The following TNS1 variants were observed in gnomAD, a reference collection of about 807,000 sequenced individuals.
The protein encoded by TNS1 is tensin-1.
In TNS1, 62 loss-of-function variants were observed where a neutral mutation model predicts 168.6. The observed-to-expected ratio is 0.37, with a 90% CI of 0.30 to 0.45. The LOEUF is 0.45. Ranked by LOEUF, TNS1 falls within the 20% of genes least tolerant of loss-of-function variation. The probability of loss-of-function intolerance (pLI) is 1.00; values close to 1 mark genes in which losing one functional copy is unlikely to be tolerated. For synonymous variants in TNS1, 934 were observed against 933.2 expected (o/e 1.00, Z -0.02); for missense variants, 2,240 against 2,339.4 (o/e 0.96, Z 0.88).
chr2:217,827,883 A>T (rs1396357166), intron 22 of TNS1, among the ~76,000 whole-genome samples: 1 of 152,198 alleles, frequency 6.6e-6, no homozygotes, highest in Non-Finnish European at 1.5e-5. Context: ...AGTCACCCCA[A>T]AGTGAGAGAC....
chr2:217,893,917 A>G (rs553936030), intron 9 of TNS1, among the ~76,000 whole-genome samples: 162 of 152,306 alleles, frequency 1.1e-3, no homozygotes, highest in African/African-American at 3.7e-3. Context: ...CTACCATAGG[A>G]CTGACCTCCA....
At chr2:217,827,583 G>A (rs1231790100) in intron 22 of TNS1, among the ~76,000 whole-genome samples, 1 of 152,190 alleles carries the variant, frequency 6.6e-6, no homozygotes, top group Non-Finnish European at 1.5e-5. Flanking sequence ...CCTGCAGGCA[G>A]GAGAAGGACT....
intron 5 of TNS1, among the ~76,000 whole-genome samples, chr2:217,906,652 G>A (rs1263501269): frequency 2.6e-5 from 4 of 152,252 alleles, no homozygotes; most frequent in South Asian, 2.1e-4. Context: ...ACAGGCTCAT[G>A]CCTTGCCCAC....
At chr2:218,004,096 G>A (rs1277860580), upstream of TNS1, among the ~76,000 whole-genome samples, 1 of 152,196 alleles carries the variant, frequency 6.6e-6, no homozygotes, top group East Asian at 1.9e-4. Context: ...CTGAGGGTGG[G>A]TGGGGGCCAG....
intron 3 of TNS1, among the ~76,000 whole-genome samples, chr2:217,963,176 G>A (rs1380752040): frequency 6.6e-6 from 1 of 152,148 alleles, no homozygotes; most frequent in African/African-American, 2.4e-5. Flanking sequence ...CAACCTGAGA[G>A]GTCCCGAGAT....
intron 18 of TNS1, among the ~76,000 whole-genome samples, chr2:217,867,305 T>C (rs1949363432): frequency 6.6e-6 from 1 of 152,208 alleles, no homozygotes; most frequent in African/African-American, 2.4e-5. Context: ...CATATATTCT[T>C]CTACCCAGCA....
chr2:218,007,574 G>T (rs1487692864), upstream of TNS1, among the ~76,000 whole-genome samples: 3 of 129,350 alleles, frequency 2.3e-5, no homozygotes, highest in African/African-American at 2.9e-5. Flanking sequence ...GGTGGGGGGG[G>T]GGGTTCAGCC....
chr2:217,906,464 CGGCAGATGA>C (rs1312978279), intron 5 of TNS1, 79 bp from the exon 6 acceptor site: 3 of 697,112 alleles, frequency 4.3e-6, no homozygotes, highest in Non-Finnish European at 7.9e-6. Flanking sequence ...TTGTCAGGAG[CGGCAGATGA>C]GGAGGTTGGC....
chr2:218,028,405 A>T (rs1327248044), intron 1 of TNS1, among the ~76,000 whole-genome samples: 1 of 152,164 alleles, frequency 6.6e-6, no homozygotes, highest in African/African-American at 2.4e-5. Context: ...CCCTATCTGC[A>T]TTCTCTCTCC....
At position 218,001,715 on chromosome 2, in the gene TNS1, C is replaced by T. The variant is rs143579487; in HGVS notation, c.33+1125G>A. Among the ~76,000 whole-genome samples the T allele has an allele frequency of 7.4e-3, 1,117 of 151,924 alleles. 14 individuals are homozygous for T. Among genetic ancestry groups the T allele is most frequent in the African/African-American group, 0.025 (1,043 of 41,234 alleles). Reference sequence around the variant, plus strand: ...CCAGCCCAACATGCCACCCAAACCGCCTCATTCCAGGCCCCCTCCCCCACC... The same window carrying T: ...CCAGCCCAACATGCCACCCAAACCGTCTCATTCCAGGCCCCCTCCCCCACC... On this transcript the variant is annotated intron_variant, in intron 1 of 32. Transcript: ENST00000682258.
intron 5 of TNS1, among the ~76,000 whole-genome samples, chr2:217,906,683 G>A (rs1441867213): frequency 6.6e-6 from 1 of 152,026 alleles, no homozygotes; most frequent in African/African-American, 2.4e-5. Context: ...TTAGAACCTT[G>A]GCAGAGTCAA....
intron 4 of TNS1, among the ~76,000 whole-genome samples, chr2:217,913,404 C>T (rs1475165316): frequency 6.6e-6 from 1 of 152,182 alleles, no homozygotes; most frequent in African/African-American, 2.4e-5. Flanking sequence ...AGCCGGCTTG[C>T]ACAGGTTGGA....
chr2:217,940,418 G>C (rs756749880), intron 3 of TNS1, among the ~76,000 whole-genome samples: 8 of 152,190 alleles, frequency 5.3e-5, no homozygotes, highest in Non-Finnish European at 7.3e-5. Flanking sequence ...CAGAGGCACT[G>C]GCAGCCGAGA....
intron 3 of TNS1, among the ~76,000 whole-genome samples, chr2:217,957,684 G>A (rs1380892329): frequency 6.6e-6 from 1 of 152,068 alleles, no homozygotes; most frequent in African/African-American, 2.4e-5. Flanking sequence ...AGATGGGGTA[G>A]TAGCTGATCA....
At position 217,818,748 on chromosome 2, in the gene TNS1, C is replaced by G; in HGVS notation, c.3584G>C (p.Gly1195Ala). 1 of 1,610,042 alleles carries G rather than the reference C, an allele frequency of 6.2e-7. No homozygotes were observed. The highest frequency in any genetic ancestry group is 1.3e-5 in the African/African-American group (1 of 74,990). The change falls in exon 24 of 33, where the codon GGG becomes GCG. Residue 1195 changes from glycine to alanine, a missense_variant. Gly to Ala is a moderately conservative substitution (Grantham distance 60). Transcript: ENST00000682258. ...PILSADSTSV[G>A]SFPSGESSDQ... ...ACTGCTCTCTCCCGACGGGAAACTC[C>G]CCACTGAAGTGCTGCAGAGAGATGG...
At chr2:217,855,868 G>A (rs559320946) in intron 18 of TNS1, among the ~76,000 whole-genome samples, 14 of 152,256 alleles carry the variant, frequency 9.2e-5, no homozygotes, top group African/African-American at 1.4e-4. Flanking sequence ...CAGTGCAGCC[G>A]AAACATGAAG....
rs559390761 is a variant in TNS1 at position 217,966,292 on chromosome 2, T to C, written c.186+12473A>G. Among the ~76,000 whole-genome samples, 13 of 145,582 alleles carry C rather than the reference T, an allele frequency of 8.9e-5. 1 individual carries two copies. The highest frequency in any genetic ancestry group is 8.7e-4 in the Admixed American group (13 of 14,980). ...GCGTGTGTGTGTGTGTGTGTGTGTG[T>C]GTGTGTGTGTGTGTGTGCGCGCGCG... On this transcript the variant is annotated intron_variant, in intron 3 of 32. Coordinates refer to ENST00000682258, the MANE Select transcript of TNS1 (RefSeq NM_001387777.1).
intron 1 of TNS1, among the ~76,000 whole-genome samples, chr2:218,017,447 G>A (rs1021225025): frequency 2.0e-5 from 3 of 152,358 alleles, no homozygotes; most frequent in South Asian, 2.1e-4. Flanking sequence ...CCCTCTGGGA[G>A]CCTCAGTGTC....
intron 1 of TNS1, among the ~76,000 whole-genome samples, chr2:218,026,512 C>A (rs1958850661): frequency 6.6e-6 from 1 of 152,168 alleles, no homozygotes; most frequent in Admixed American, 6.5e-5. Flanking sequence ...CCTGACCCTG[C>A]AAGTGAAAGC....
Sources: allele counts gnomAD v4.1 joint callset (sites outside exome capture counted in the v4.1 genomes callset), GRCh38; gene constraint gnomAD v4.1.1; transcripts MANE v1.5; gene names NCBI Gene and HGNC (gene_info 2026-07-23, HGNC 2026-07-21).